TSHZ2: variants seen among roughly 807,000 people sequenced by gnomAD.
TSHZ2 encodes teashirt zinc finger homeobox 2.
In TSHZ2, 21 loss-of-function variants were observed where a neutral mutation model predicts 74.4. That is an observed-to-expected ratio of 0.28 (90% CI 0.20 to 0.41). The LOEUF (loss-of-function observed/expected upper bound fraction) is 0.41, where lower values mean the gene tolerates loss of function less well. Ranked by LOEUF, TSHZ2 falls within the 10% of genes least tolerant of loss-of-function variation. The pLI is 1.00. For synonymous variants in TSHZ2, 540 were observed against 515.3 expected (o/e 1.05, Z -0.65); for missense variants, 1,244 against 1,293.5 (o/e 0.96, Z 0.59).
chr20:53,212,083 T>C (rs1372402334), intron 1 of TSHZ2, among the ~76,000 whole-genome samples: 5 of 152,152 alleles, frequency 3.3e-5, no homozygotes, highest in Non-Finnish European at 7.3e-5. Flanking sequence ...CTCTCAATCG[T>C]GTTCAGAAGG....
intron 2 of TSHZ2, among the ~76,000 whole-genome samples, chr20:53,434,121 C>T (rs1006561933): frequency 1.4e-4 from 21 of 152,142 alleles, no homozygotes; most frequent in Admixed American, 9.8e-4. Context: ...TTTGCCTACT[C>T]GGCCTCCCAA....
At chr20:53,445,179 G>A (rs1193712127) in intron 2 of TSHZ2, among the ~76,000 whole-genome samples, 1 of 152,220 alleles carries the variant, frequency 6.6e-6, no homozygotes, top group African/African-American at 2.4e-5. Flanking sequence ...GCAAACTGCT[G>A]TGCAGAATAA....
At chr20:53,046,918 T>C (rs1439058706) in intron 1 of TSHZ2, among the ~76,000 whole-genome samples, 2 of 152,224 alleles carry the variant, frequency 1.3e-5, no homozygotes, top group South Asian at 2.1e-4. Context: ...GTAACTTCAC[T>C]GTGGCTTTCT....
rs907095366 is a variant in TSHZ2, at chr20:53,145,574, T to A, written c.41-107925T>A. 2.6e-5 allele frequency among the ~76,000 whole-genome samples: 4 copies of A among 152,224 alleles called. No individual in the cohort carries two copies. The South Asian group carries it at 8.3e-4, about 32-fold the overall frequency. ...AGCCCAGTGGGCAGCAGGAGCTTCC[T>A]TGTGCTGGGGAATTCTAGAAGAGAG... On this transcript the variant is annotated intron_variant, in intron 1 of 2. Coordinates refer to ENST00000371497, the MANE Select transcript of TSHZ2 (RefSeq NM_173485.6).
chr20:53,250,154 C>T (rs1374675447), intron 1 of TSHZ2, among the ~76,000 whole-genome samples: 1 of 152,148 alleles, frequency 6.6e-6, no homozygotes, highest in Non-Finnish European at 1.5e-5. Context: ...AAATTTTTGC[C>T]ACTATGAAGT....
At chr20:53,087,729 T>A (rs533807309) in intron 1 of TSHZ2, among the ~76,000 whole-genome samples, 3 of 152,238 alleles carry the variant, frequency 2.0e-5, no homozygotes, top group East Asian at 3.8e-4. Context: ...AAAAGTAGTA[T>A]GTCTATTGAT....
At chr20:53,358,713 A>T (rs1980942687) in intron 2 of TSHZ2, among the ~76,000 whole-genome samples, 1 of 152,214 alleles carries the variant, frequency 6.6e-6, no homozygotes, top group African/African-American at 2.4e-5. Flanking sequence ...ATTTATGCAT[A>T]AAATAAAATG....
intron 1 of TSHZ2, among the ~76,000 whole-genome samples, chr20:53,013,543 C>T (rs183594857): frequency 1.0e-3 from 155 of 152,258 alleles, no homozygotes; most frequent in African/African-American, 3.3e-3. Flanking sequence ...CTAGACTGGG[C>T]GAGAATCCTT....
intron 2 of TSHZ2, among the ~76,000 whole-genome samples, chr20:53,301,518 A>G (rs1403201904): frequency 6.6e-6 from 1 of 152,148 alleles, no homozygotes; most frequent in East Asian, 1.9e-4. Context: ...GATGTAGTAA[A>G]CTCTCTGAAT....
intron 1 of TSHZ2, among the ~76,000 whole-genome samples, chr20:53,242,572 G>A (rs138720413): frequency 1.3e-5 from 2 of 152,198 alleles, no homozygotes; most frequent in African/African-American, 2.4e-5. Flanking sequence ...TCACAATTGC[G>A]GGCTCCTGAG....
chr20:53,091,507 A>G (rs1035885007), intron 1 of TSHZ2, among the ~76,000 whole-genome samples: 2 of 152,196 alleles, frequency 1.3e-5, no homozygotes, highest in African/African-American at 4.8e-5. Flanking sequence ...TAAATCCTTC[A>G]TTTATATTCT....
chr20:53,140,408 C>T (rs1296708121), intron 1 of TSHZ2, among the ~76,000 whole-genome samples: 6 of 151,664 alleles, frequency 4.0e-5, no homozygotes, highest in Admixed American at 3.3e-4. Context: ...GGCGAGGTGG[C>T]AGGCGCCTGT....
chr20:53,158,257 C>A (rs562881324), intron 1 of TSHZ2, among the ~76,000 whole-genome samples: 1 of 152,268 alleles, frequency 6.6e-6, no homozygotes, highest in South Asian at 2.1e-4. Context: ...TGTGCAGAAC[C>A]TATGGGACTT....
chr20:53,243,641 GA>G (rs1165877742), intron 1 of TSHZ2, among the ~76,000 whole-genome samples: 11 of 152,272 alleles, frequency 7.2e-5, no homozygotes. Flanking sequence ...CCAAGGCCAG[GA>G]AGCCCTTTCC....
chr20:53,093,484 C>T (rs1985948065), intron 1 of TSHZ2, among the ~76,000 whole-genome samples: 1 of 152,246 alleles, frequency 6.6e-6, no homozygotes, highest in Non-Finnish European at 1.5e-5. Flanking sequence ...GTGCTGCTCT[C>T]CTTCACTCTC....
At chr20:53,258,258 C>G (rs1990524450) in intron 2 of TSHZ2, among the ~76,000 whole-genome samples, 1 of 152,150 alleles carries the variant, frequency 6.6e-6, no homozygotes, top group Non-Finnish European at 1.5e-5. Context: ...CAAAATGCAT[C>G]CATTGAATTC....
chr20:53,196,660 C>G (rs1335425780), intron 1 of TSHZ2: 4 of 152,196 alleles, frequency 2.6e-5, no homozygotes, highest in Admixed American at 6.5e-5. Context: ...TGAATTACCC[C>G]CCTTTTAAAA....
At chr20:53,245,635 T>C (rs1396216520) in intron 1 of TSHZ2, among the ~76,000 whole-genome samples, 2 of 152,242 alleles carry the variant, frequency 1.3e-5, no homozygotes, top group Non-Finnish European at 2.9e-5. Flanking sequence ...CCTTGTTAAA[T>C]GATTTCTATT....
intron 2 of TSHZ2, among the ~76,000 whole-genome samples, chr20:53,436,545 A>ATTTTTTTT (rs1430483512): frequency 9.8e-6 from 1 of 101,986 alleles, no homozygotes; most frequent in African/African-American, 4.1e-5. Flanking sequence ...TATTATTATT[A>ATTTTTTTT]TTATTTTTTT....
Sources: allele counts gnomAD v4.1 joint callset (sites outside exome capture counted in the v4.1 genomes callset), GRCh38; gene constraint gnomAD v4.1.1; transcripts MANE v1.5; gene names NCBI Gene and HGNC (gene_info 2026-07-23, HGNC 2026-07-21).